Variants in GRM7 observed in about 807,000 individuals in gnomAD.
The protein encoded by GRM7 is glutamate metabotropic receptor 7, also known as metabotropic glutamate receptor 7.
Under a neutral mutation model 84.5 loss-of-function variants are expected in GRM7, and 35 were observed. That is an observed-to-expected ratio of 0.41 (90% CI 0.32 to 0.55). The LOEUF is 0.55. Ranked by LOEUF, GRM7 falls within the 20% of genes least tolerant of loss-of-function variation. GRM7 has a pLI of 0.19. For missense variants in GRM7, 1,003 were observed against 1,194.6 expected, an observed-to-expected ratio of 0.84 and a Z score of 2.36; for synonymous variants, 487 against 455.1, an observed-to-expected ratio of 1.07 and a Z score of -0.89.
chr3:7,618,015 C>T (rs996113369), intron 8 of GRM7, among the ~76,000 whole-genome samples: 1 of 152,072 alleles, frequency 6.6e-6, no homozygotes, highest in African/African-American at 2.4e-5. Context: ...AGTTTTCATA[C>T]ACAGTTGGAG....
intron 4 of GRM7, among the ~76,000 whole-genome samples, chr3:7,319,228 A>T (rs1179822061): frequency 6.6e-6 from 1 of 151,984 alleles, no homozygotes; most frequent in Non-Finnish European, 1.5e-5. Context: ...ACACCAGTAG[A>T]TAGAGGGTGC....
chr3:7,701,033 C>T (rs11929007), intron 9 of GRM7, among the ~76,000 whole-genome samples: 1 of 152,106 alleles, frequency 6.6e-6, no homozygotes, highest in African/African-American at 2.4e-5. Context: ...CCTTTTTACC[C>T]TTTCCCCCAG....
chr3:7,665,887 G>A (rs545621892), intron 8 of GRM7, among the ~76,000 whole-genome samples: 3 of 152,214 alleles, frequency 2.0e-5, no homozygotes, highest in South Asian at 4.1e-4. Context: ...AAGAGGGTCC[G>A]TTTTACTCAT....
chr3:7,260,289 AT>A (rs1355343759), intron 2 of GRM7, among the ~76,000 whole-genome samples: 2 of 152,058 alleles, frequency 1.3e-5, no homozygotes, highest in African/African-American at 4.8e-5. Flanking sequence ...ATTTCATTTA[AT>A]TAGATTCAAT....
chr3:7,412,610 C>T (rs911399823), intron 4 of GRM7, among the ~76,000 whole-genome samples: 3 of 152,152 alleles, frequency 2.0e-5, no homozygotes, highest in Admixed American at 6.6e-5. Flanking sequence ...GTGGTCTTCA[C>T]ACCAGCTAAA....
chr3:7,447,962 AT>A (rs888469836), intron 5 of GRM7, among the ~76,000 whole-genome samples: 2 of 127,192 alleles, frequency 1.6e-5, no homozygotes, highest in Admixed American at 2.0e-4. Flanking sequence ...ATGTGTTCTC[AT>A]TGTTCAGTTC....
At chr3:7,042,519 C>CA (rs1696665006) in intron 1 of GRM7, among the ~76,000 whole-genome samples, 1 of 151,738 alleles carries the variant, frequency 6.6e-6, no homozygotes, top group Non-Finnish European at 1.5e-5. Context: ...GTTTTCCCCC[C>CA]ATTCTTTCTT....
At chr3:6,951,892 T>A (rs2125070127) in intron 1 of GRM7, among the ~76,000 whole-genome samples, 1 of 152,358 alleles carries the variant, frequency 6.6e-6, no homozygotes, top group Admixed American at 6.5e-5. Flanking sequence ...GCCTAGAGAT[T>A]GAGAACTATT....
intron 1 of GRM7, among the ~76,000 whole-genome samples, chr3:7,050,691 C>G (rs544966983): frequency 6.6e-6 from 1 of 152,020 alleles, no homozygotes; most frequent in African/African-American, 2.4e-5. Flanking sequence ...AAAGTTTATT[C>G]CAATTGACAA....
At chr3:7,643,661 C>A (rs1698472451) in intron 8 of GRM7, among the ~76,000 whole-genome samples, 1 of 152,066 alleles carries the variant, frequency 6.6e-6, no homozygotes, top group East Asian at 1.9e-4. Context: ...ACCTACAATA[C>A]AGGATTGTGT....
intron 1 of GRM7, among the ~76,000 whole-genome samples, chr3:6,982,171 T>C (rs1204554287): frequency 6.6e-6 from 1 of 152,196 alleles, no homozygotes; most frequent in Non-Finnish European, 1.5e-5. Flanking sequence ...TGGAGGTCAT[T>C]GTCCTAAGCA....
rs112239894 is a variant in GRM7, at chr3:7,099,924, T to TTATATATA, written c.520-46526_520-46519dup. Among the ~76,000 whole-genome samples the TTATATATA allele has an allele frequency of 4.9e-4, 35 of 71,282 alleles. 4 individuals are homozygous for TTATATATA. The highest frequency in any genetic ancestry group is 6.2e-4 in the Non-Finnish European group (26 of 41,850). The allele number at this position is 71,282 out of a possible 152,430, so 46.8% of individuals were successfully genotyped here. On this transcript the variant is annotated intron_variant, in intron 1 of 9. Transcript: ENST00000357716. ...ATTATACATATATAATATTAATATA[T>TTATATATA]TATATATATTATGATATACATTATG...
chr3:7,665,397 G>A (rs535081476), intron 8 of GRM7, among the ~76,000 whole-genome samples: 7 of 151,766 alleles, frequency 4.6e-5, no homozygotes, highest in Non-Finnish European at 7.4e-5. Flanking sequence ...GGATGGTCTC[G>A]ATCTCCTGAC....
chr3:7,576,159 T>G (rs1694951422), intron 7 of GRM7, among the ~76,000 whole-genome samples: 1 of 152,218 alleles, frequency 6.6e-6, no homozygotes, highest in Admixed American at 6.5e-5. Flanking sequence ...TACCAGCAGT[T>G]CTTTTAGGTT....
At chr3:7,660,033 T>C (rs565374527) in intron 8 of GRM7, among the ~76,000 whole-genome samples, 1 of 152,304 alleles carries the variant, frequency 6.6e-6, no homozygotes, top group East Asian at 1.9e-4. Context: ...ACAGAATAGA[T>C]GAAAACCAAA....
chr3:7,389,649 C>G (rs1037390165), intron 4 of GRM7, among the ~76,000 whole-genome samples: 2 of 151,996 alleles, frequency 1.3e-5, no homozygotes, highest in Non-Finnish European at 2.9e-5. Flanking sequence ...GGTTTAAAGT[C>G]TATTTTATAT....
At chr3:7,171,165 A>G (rs989231069) in intron 2 of GRM7, among the ~76,000 whole-genome samples, 3 of 152,122 alleles carry the variant, frequency 2.0e-5, no homozygotes, top group African/African-American at 4.8e-5. Flanking sequence ...TGCAGAATTG[A>G]TTCCTTCTGA....
chr3:7,591,838 A>T (rs1695796093), intron 8 of GRM7, among the ~76,000 whole-genome samples: 1 of 152,152 alleles, frequency 6.6e-6, no homozygotes, highest in African/African-American at 2.4e-5. Flanking sequence ...GCCTTACAAA[A>T]GTTAAGTGAC....
At chr3:7,387,394 G>T (rs1228061970) in intron 4 of GRM7, among the ~76,000 whole-genome samples, 6 of 152,122 alleles carry the variant, frequency 3.9e-5, no homozygotes, top group Admixed American at 3.9e-4. Context: ...TTTTCCCTAG[G>T]TTACTCTCTT....
Sources: allele counts gnomAD v4.1 joint callset (sites outside exome capture counted in the v4.1 genomes callset), GRCh38; gene constraint gnomAD v4.1.1; transcripts MANE v1.5; gene names NCBI Gene and HGNC (gene_info 2026-07-23, HGNC 2026-07-21).